Variants in FMNL2 observed in about 807,000 individuals in gnomAD.
FMNL2 encodes the protein formin like 2, also known as formin-like protein 2.
In FMNL2, 51 loss-of-function variants were observed where a neutral mutation model predicts 130.2. The ratio of observed to expected loss-of-function variants is 0.39; its 90% CI spans 0.31 to 0.49. The LOEUF (loss-of-function observed/expected upper bound fraction) is 0.49, where lower values mean the gene tolerates loss of function less well. FMNL2 is among the 20% of genes least tolerant of loss of function. The pLI, the probability that FMNL2 is intolerant of heterozygous loss-of-function variation, is 0.85. For synonymous variants in FMNL2, 465 were observed against 467.1 expected, an observed-to-expected ratio of 1.00 and a Z score of 0.06; for missense variants, 977 against 1,316.2, an observed-to-expected ratio of 0.74 and a Z score of 3.99.
intron 1 of FMNL2, among the ~76,000 whole-genome samples, chr2:152,353,943 A>G (rs548253569): frequency 6.6e-6 from 1 of 152,208 alleles, no homozygotes; most frequent in African/African-American, 2.4e-5. Context: ...GGTGGCTTGT[A>G]TTTGCTACTC....
intron 1 of FMNL2, among the ~76,000 whole-genome samples, chr2:152,516,922 C>G (rs6434082): frequency 0.47 from 71,152 of 151,868 alleles, 17,509 homozygotes; most frequent in Non-Finnish European, 0.56. Context: ...TCTTTATTTT[C>G]TAGTTATAAT....
intron 1 of FMNL2, among the ~76,000 whole-genome samples, chr2:152,438,698 C>T (rs1001178014): frequency 2.9e-4 from 44 of 152,110 alleles, no homozygotes; most frequent in African/African-American, 9.6e-4. Context: ...TGCTTCTTGG[C>T]GCGGGATGGA....
intron 1 of FMNL2, among the ~76,000 whole-genome samples, chr2:152,394,032 A>G (rs1348626230): frequency 6.6e-6 from 1 of 152,226 alleles, no homozygotes; most frequent in Admixed American, 6.5e-5. Flanking sequence ...TTAGCGGGCC[A>G]TAGTTTGCTG....
At chr2:152,427,956 A>G (rs1304492316) in intron 1 of FMNL2, among the ~76,000 whole-genome samples, 2 of 152,240 alleles carry the variant, frequency 1.3e-5, no homozygotes, top group Non-Finnish European at 2.9e-5. Flanking sequence ...ACATAGGATT[A>G]CATTCAGTGT....
intron 6 of FMNL2, among the ~76,000 whole-genome samples, chr2:152,562,330 T>G (rs1695578552): frequency 6.6e-6 from 1 of 152,214 alleles, no homozygotes; most frequent in Non-Finnish European, 1.5e-5. Context: ...GGACATTATT[T>G]CTCTAAGTGT....
chr2:152,417,096 A>T (rs1344839617), intron 1 of FMNL2, among the ~76,000 whole-genome samples: 1 of 152,252 alleles, frequency 6.6e-6, no homozygotes, highest in Non-Finnish European at 1.5e-5. Flanking sequence ...TAACTTCTAC[A>T]CGATTACTTA....
chr2:152,576,364 A>G (rs1454362172), intron 7 of FMNL2, among the ~76,000 whole-genome samples: 1 of 152,212 alleles, frequency 6.6e-6, no homozygotes, highest in Non-Finnish European at 1.5e-5. Context: ...CAGATGACCA[A>G]CAAATAAATT....
chr2:152,419,288 C>A (rs1225998425), intron 1 of FMNL2, among the ~76,000 whole-genome samples: 1 of 152,058 alleles, frequency 6.6e-6, no homozygotes, highest in Non-Finnish European at 1.5e-5. Flanking sequence ...AAATATTTAA[C>A]TTTTTTATAA....
chr2:152,424,285 A>T (rs1687064936), intron 1 of FMNL2, among the ~76,000 whole-genome samples: 1 of 148,100 alleles, frequency 6.8e-6, no homozygotes, highest in Non-Finnish European at 1.5e-5. Context: ...AATATAACGG[A>T]TTAGCGCGTT....
chr2:152,536,802 A>G (rs1694016606), intron 2 of FMNL2, among the ~76,000 whole-genome samples: 1 of 152,228 alleles, frequency 6.6e-6, no homozygotes, highest in Non-Finnish European at 1.5e-5. Context: ...AAGCCTCAGA[A>G]TATGAAGGTA....
At chr2:152,535,542 C>CT (rs1186722647) in intron 2 of FMNL2, among the ~76,000 whole-genome samples, 2 of 152,276 alleles carry the variant, frequency 1.3e-5, no homozygotes, top group African/African-American at 4.8e-5. Context: ...TCTTTTTGTG[C>CT]TTTTTACAGT....
In FMNL2 at chr2:152,590,980, C is replaced by CTTTTTTTTTTTTTTTT. The variant is rs1158391663; in HGVS notation, c.876+9960_876+9975dup. ...CAGAGTTAGATTTTCCCTCTGATAA[C>CTTTTTTTTTTTTTTTT]TTTTTTTTTTTTTTTTTTTTTTTTT... is the stretch of plus-strand genomic sequence containing the variant. On this transcript the variant is annotated intron_variant, in intron 9 of 25. Coordinates refer to ENST00000288670, the MANE Select transcript of FMNL2 (RefSeq NM_052905.4). Among the ~76,000 whole-genome samples the CTTTTTTTTTTTTTTTT allele has an allele frequency of 3.6e-4, 24 of 65,790 alleles. 3 individuals are homozygous for CTTTTTTTTTTTTTTTT. Among genetic ancestry groups the CTTTTTTTTTTTTTTTT allele is most frequent in the Non-Finnish European group, 6.0e-4 (23 of 38,588 alleles). The allele number at this position is 65,790 out of a possible 152,430, so 43.2% of individuals were successfully genotyped here.
At chr2:152,462,780 G>A (rs918406478) in intron 1 of FMNL2, among the ~76,000 whole-genome samples, 1 of 151,960 alleles carries the variant, frequency 6.6e-6, no homozygotes, top group Non-Finnish European at 1.5e-5. Flanking sequence ...CACATAGCTG[G>A]GGGGTGATGG....
At chr2:152,468,283 C>T (rs536848475) in intron 1 of FMNL2, among the ~76,000 whole-genome samples, 7 of 152,270 alleles carry the variant, frequency 4.6e-5, no homozygotes, top group Non-Finnish European at 8.8e-5. Flanking sequence ...AGGGCTGTGC[C>T]GTCCGATACA....
At chr2:152,442,606 C>T (rs77090689) in intron 1 of FMNL2, among the ~76,000 whole-genome samples, 2,036 of 152,200 alleles carry the variant, frequency 0.013, 43 homozygotes, top group African/African-American at 0.047. Flanking sequence ...TCTCCGTACC[C>T]CCACCCAAAG....
At chr2:152,493,158 T>C (rs1368651682) in intron 1 of FMNL2, among the ~76,000 whole-genome samples, 3 of 152,322 alleles carry the variant, frequency 2.0e-5, no homozygotes, top group South Asian at 4.1e-4. Context: ...ATAAGAGCTA[T>C]TGGAATTTAA....
At chr2:152,471,318 A>G (rs1165697698) in intron 1 of FMNL2, among the ~76,000 whole-genome samples, 6 of 152,228 alleles carry the variant, frequency 3.9e-5, no homozygotes, top group Admixed American at 1.3e-4. Flanking sequence ...GCAGTTACAA[A>G]TCAGTTTTTT....
chr2:152,390,069 G>A, intron 1 of FMNL2: 1 of 1,565,024 alleles, frequency 6.4e-7, no homozygotes, highest in Non-Finnish European at 8.8e-7. Flanking sequence ...TGACTCCCCA[G>A]GAAAGCAGGA....
chr2:152,647,580 C>T (rs981405165), intron 25 of FMNL2, among the ~76,000 whole-genome samples: 18 of 152,292 alleles, frequency 1.2e-4, no homozygotes, highest in African/African-American at 3.8e-4. Flanking sequence ...TCTCAAAGTC[C>T]TAGAATCCTA....
Sources: allele counts gnomAD v4.1 joint callset (sites outside exome capture counted in the v4.1 genomes callset), GRCh38; gene constraint gnomAD v4.1.1; transcripts MANE v1.5; gene names NCBI Gene and HGNC (gene_info 2026-07-23, HGNC 2026-07-21).